Variants in ARHGEF4 observed in about 807,000 individuals in gnomAD.
The protein encoded by ARHGEF4 is APC-stimulated guanine nucleotide exchange factor 1.
A neutral mutation model predicts 162.0 loss-of-function variants in ARHGEF4; 119 were observed. That is an observed-to-expected ratio of 0.73 (90% CI 0.63 to 0.86). ARHGEF4 has a LOEUF of 0.86. Among genes scored for constraint, ARHGEF4 ranks in the 40% least tolerant of loss-of-function variants. The pLI is 0.00. For missense variants in ARHGEF4, 2,488 were observed against 2,456.0 expected (o/e 1.01, Z -0.28); for synonymous variants, 1,014 against 979.9 (o/e 1.03, Z -0.65).
chr2:130,914,642 C>A lies in ARHGEF4; in HGVS notation c.696C>A (p.Leu232=). ...TCCCAGTGGTCTGGCCCTTCCTTCT[C>A]TGGTGCTGTGAACTGGGTCGGAGTT... ...LGIPVVWPFL[L]WCCELGRSWP... is the part of the protein sequence containing the mutation. Residue 232 remains leucine (L), a synonymous_variant, in exon 2 of 14, where the codon CTC becomes CTA. Transcript: ENST00000409359. The A allele has an allele frequency of 4.3e-6, 6 of 1,390,006 alleles. No homozygotes were observed. The highest frequency in any genetic ancestry group is 1.9e-5 in the South Asian group (1 of 53,792). 86.1% of individuals were successfully genotyped at this position (1,390,006 alleles called of 1,614,324 possible).
At chr2:130,938,865 G>T (rs1683118021) in intron 3 of ARHGEF4, among the ~76,000 whole-genome samples, 2 of 152,158 alleles carry the variant, frequency 1.3e-5, no homozygotes, top group Admixed American at 6.5e-5. Context: ...TTTCATCATT[G>T]TACTTTTCAC....
intron 4 of ARHGEF4, among the ~76,000 whole-genome samples, chr2:130,952,763 C>T (rs1238379086): frequency 1.3e-5 from 2 of 152,024 alleles, no homozygotes; most frequent in Non-Finnish European, 2.9e-5. Flanking sequence ...TTCCTATACA[C>T]TAATAACAGA....
chr2:130,916,496 CG>C lies in ARHGEF4; in HGVS notation c.2554del (p.Asp852ThrfsTer72), dbSNP rs767985385. ...GTCGGGACGCACCGCCTCTGCACCACGGGGACGCCAGCGCCTGGCCCGAGTT... is the reference window on the plus strand; with the variant it reads ...GTCGGGACGCACCGCCTCTGCACCACGGGACGCCAGCGCCTGGCCCGAGTT... ...AGRDAPPLHHGDASAWPEFVP... is the reference protein window; with the variant it reads ...AGRDAPPLHHXDASAWPEFVP... On this transcript the variant is annotated frameshift_variant, in exon 2 of 14. Coordinates refer to ENST00000409359, the MANE Select transcript of ARHGEF4 (RefSeq NM_001367493.1). LOFTEE classifies it high-confidence loss of function. 1.9e-6 allele frequency: 3 copies of C among 1,547,788 alleles called. No homozygotes were observed. The highest frequency in any genetic ancestry group is 2.4e-5 in the South Asian group (2 of 83,950).
intron 1 of ARHGEF4, among the ~76,000 whole-genome samples, chr2:130,854,053 A>G (rs559934222): frequency 5.6e-4 from 85 of 152,298 alleles, no homozygotes; most frequent in African/African-American, 1.9e-3. Context: ...GTAAGGATAA[A>G]ATCTGATGTG....
chr2:131,007,705 C>G (rs1238210240), intron 4 of ARHGEF4, among the ~76,000 whole-genome samples: 1 of 145,508 alleles, frequency 6.9e-6, no homozygotes, highest in Non-Finnish European at 1.5e-5. Context: ...AGATCACACT[C>G]TATATACTGG....
chr2:130,888,177 A>T (rs547954255), intron 1 of ARHGEF4, among the ~76,000 whole-genome samples: 5 of 152,084 alleles, frequency 3.3e-5, no homozygotes, highest in African/African-American at 7.2e-5. Flanking sequence ...TAACTTCTTT[A>T]AAAAAATGCT....
At chr2:130,878,700 G>A (rs1679016424) in intron 1 of ARHGEF4, among the ~76,000 whole-genome samples, 2 of 152,198 alleles carry the variant, frequency 1.3e-5, no homozygotes, top group South Asian at 2.1e-4. Flanking sequence ...CTCTCTCAAC[G>A]TTGGCTTCAT....
intron 3 of ARHGEF4, among the ~76,000 whole-genome samples, chr2:130,943,996 C>G (rs1389306318): frequency 6.6e-6 from 1 of 152,146 alleles, no homozygotes; most frequent in East Asian, 1.9e-4. Flanking sequence ...TATGACTTCT[C>G]TTAGTTTTTC....
At chr2:130,940,625 G>T (rs112239398) in intron 3 of ARHGEF4, among the ~76,000 whole-genome samples, 17,301 of 150,130 alleles carry the variant, frequency 0.12, 1,102 homozygotes, top group African/African-American at 0.16. Flanking sequence ...TGGATCACGA[G>T]GTCAGGAGAT....
chr2:130,850,959 C>T (rs1681368745), intron 1 of ARHGEF4, among the ~76,000 whole-genome samples: 1 of 152,258 alleles, frequency 6.6e-6, no homozygotes, highest in Admixed American at 6.5e-5. Flanking sequence ...TCGGTATAGC[C>T]TGGGCAGCCC....
intron 4 of ARHGEF4, among the ~76,000 whole-genome samples, chr2:131,008,164 C>T (rs1162633162): frequency 1.3e-5 from 2 of 151,976 alleles, no homozygotes; most frequent in Non-Finnish European, 2.9e-5. Context: ...TATAAATGTA[C>T]CTTAATTTAT....
chr2:130,903,190 A>G (rs4569490), intron 1 of ARHGEF4, among the ~76,000 whole-genome samples: 76,011 of 147,504 alleles, frequency 0.52, 23,291 homozygotes, highest in East Asian at 0.68. Flanking sequence ...TCCTTGTCAG[A>G]TAATGCTAAC....
chr2:130,888,229 C>T lies in ARHGEF4; in HGVS notation c.40-25757C>T, dbSNP rs1219577773. 2.7e-5 allele frequency among the ~76,000 whole-genome samples: 4 copies of T among 146,988 alleles called. No individual in the cohort carries two copies. The East Asian group carries it at 8.5e-4, about 31-fold the overall frequency. On this transcript the variant is annotated intron_variant, in intron 1 of 13. Coordinates refer to ENST00000409359, the MANE Select transcript of ARHGEF4 (RefSeq NM_001367493.1). The stretch of plus-strand genomic sequence containing the variant: ...GTGGCTCACGCCTGTAATCCTAGCA[C>T]TTTGGGAGGCCAAGGCGGGTGGATC...
intron 1 of ARHGEF4, among the ~76,000 whole-genome samples, chr2:130,865,080 A>G (rs1682175512): frequency 6.6e-6 from 1 of 152,200 alleles, no homozygotes; most frequent in Non-Finnish European, 1.5e-5. Context: ...GGGACTTGCT[A>G]CGTAAGCAAG....
intron 1 of ARHGEF4, among the ~76,000 whole-genome samples, chr2:130,893,787 G>T (rs1679998773): frequency 6.6e-6 from 1 of 152,224 alleles, no homozygotes; most frequent in African/African-American, 2.4e-5. Flanking sequence ...GCCAGAAGGG[G>T]CCTAAGGAGG....
At chr2:130,998,565 C>T (rs1336993936) in intron 4 of ARHGEF4, among the ~76,000 whole-genome samples, 1 of 152,182 alleles carries the variant, frequency 6.6e-6, no homozygotes, top group African/African-American at 2.4e-5. Flanking sequence ...CCACAGTGCA[C>T]AGCGTTTTCA....
At chr2:130,945,072 T>C (rs1303683393) in intron 3 of ARHGEF4, among the ~76,000 whole-genome samples, 1 of 152,100 alleles carries the variant, frequency 6.6e-6, no homozygotes, top group Non-Finnish European at 1.5e-5. Context: ...TTCTACCCCA[T>C]GGTTCAGTTC....
intron 4 of ARHGEF4, among the ~76,000 whole-genome samples, chr2:131,002,884 A>G (rs953158037): frequency 1.3e-5 from 2 of 152,156 alleles, no homozygotes; most frequent in African/African-American, 4.8e-5. Context: ...TTCTGAGTTC[A>G]TAGAATGAGC....
intron 1 of ARHGEF4, among the ~76,000 whole-genome samples, chr2:130,871,113 G>T (rs1330133609): frequency 2.0e-5 from 3 of 152,178 alleles, no homozygotes; most frequent in African/African-American, 7.2e-5. Flanking sequence ...GCATAAAGGG[G>T]CCCCGCCTGT....
Sources: allele counts gnomAD v4.1 joint callset (sites outside exome capture counted in the v4.1 genomes callset), GRCh38; gene constraint gnomAD v4.1.1; transcripts MANE v1.5; gene names NCBI Gene and HGNC (gene_info 2026-07-23, HGNC 2026-07-21).